The following OTUD7A variants were observed in gnomAD, a reference collection of about 807,000 sequenced individuals.
OTUD7A encodes the protein OTU domain-containing protein 7A.
In OTUD7A, 12 loss-of-function variants were observed where a neutral mutation model predicts 65.7. The observed-to-expected ratio is 0.18, with a 90% confidence interval of 0.12 to 0.30. OTUD7A has a LOEUF of 0.30. Ranked by LOEUF, OTUD7A falls within the 10% of genes least tolerant of loss-of-function variation. The pLI, the probability that OTUD7A is intolerant of heterozygous loss-of-function variation, is 1.00. For missense variants in OTUD7A, 1,148 were observed against 1,304.8 expected, an observed-to-expected ratio of 0.88 and a Z score of 1.85; for synonymous variants, 641 against 586.3, an observed-to-expected ratio of 1.09 and a Z score of -1.35.
chr15:31,753,469 A>C (rs1894695555), intron 1 of OTUD7A, among the ~76,000 whole-genome samples: 1 of 151,388 alleles, frequency 6.6e-6, no homozygotes, highest in Non-Finnish European at 1.5e-5. Context: ...TCTTTCCCCA[A>C]GTCCCCAAAG....
intron 1 of OTUD7A, among the ~76,000 whole-genome samples, chr15:31,708,685 A>G: frequency 6.6e-6 from 1 of 152,152 alleles, no homozygotes; most frequent in East Asian, 1.9e-4. Flanking sequence ...ATCCAGGTTT[A>G]TTGGAGGAAG....
intron 1 of OTUD7A, among the ~76,000 whole-genome samples, chr15:31,738,790 A>G (rs1446401595): frequency 6.6e-6 from 1 of 152,256 alleles, no homozygotes; most frequent in African/African-American, 2.4e-5. Context: ...GACAGCGTGG[A>G]TGCCAAAAAG....
chr15:31,487,851 T>G lies in OTUD7A; in HGVS notation c.1172-285A>C, dbSNP rs1447494289. ...TTGGGCAGCAGAATGGGAAAAAAGC[T>G]ATTGCTGCCTCTGCTATTTCTAGGA... On this transcript the variant is annotated intron_variant, in intron 10 of 12. Transcript: ENST00000307050. This position sits in a 1 kb window ranked among gnomAD's most constrained non-coding sequence, Gnocchi z 6.0. Among the ~76,000 whole-genome samples, 4 of 152,166 alleles carry G rather than the reference T, an allele frequency of 2.6e-5. No homozygotes were observed. Among genetic ancestry groups the G allele is most frequent in the African/African-American group, 7.2e-5 (3 of 41,434 alleles).
intron 1 of OTUD7A, among the ~76,000 whole-genome samples, chr15:31,822,473 G>A (rs895368337): frequency 6.6e-6 from 1 of 152,194 alleles, no homozygotes; most frequent in Non-Finnish European, 1.5e-5. Context: ...GTTTACAGAT[G>A]AGAAAACAGG....
intron 1 of OTUD7A, among the ~76,000 whole-genome samples, chr15:31,657,448 C>A (rs543253952): frequency 6.6e-6 from 1 of 152,110 alleles, no homozygotes; most frequent in African/African-American, 2.4e-5. Flanking sequence ...GCTCCGCCTC[C>A]CGGGTTCATG....
intron 3 of OTUD7A, among the ~76,000 whole-genome samples, chr15:31,591,736 G>A (rs1889730765): frequency 6.6e-6 from 1 of 152,206 alleles, no homozygotes; most frequent in Non-Finnish European, 1.5e-5. Flanking sequence ...AACATGTATG[G>A]ATATGTGTGC....
At position 31,570,013 on chromosome 15, in the gene OTUD7A, G is replaced by A. The variant is rs374874361; in HGVS notation, c.331+5C>T. 39 of 1,613,522 alleles carry A rather than the reference G, an allele frequency of 2.4e-5. No individual in the cohort carries two copies. The highest frequency in any genetic ancestry group is 1.7e-4 in the Middle Eastern group (1 of 5,796). ...CTGTGCCTAGGCTCAGTCCCTCAGC[G>A]GTACCTTGGGCAATGTCGTCCTGCC... On this transcript the variant is annotated splice_donor_5th_base_variant and intron_variant, in intron 4 of 12. Coordinates refer to ENST00000307050, the MANE Select transcript of OTUD7A (RefSeq NM_001382637.1).
chr15:31,723,437 C>T (rs1438797129), intron 1 of OTUD7A, among the ~76,000 whole-genome samples: 2 of 135,686 alleles, frequency 1.5e-5, no homozygotes, highest in Admixed American at 1.6e-4. Context: ...AATTTGGCCA[C>T]TTCATCTCGG....
intron 1 of OTUD7A, among the ~76,000 whole-genome samples, chr15:31,778,096 G>C (rs1324944306): frequency 6.6e-6 from 1 of 152,118 alleles, no homozygotes; most frequent in African/African-American, 2.4e-5. Context: ...CCAGTCATCA[G>C]CACCATGGGA....
intron 3 of OTUD7A, among the ~76,000 whole-genome samples, chr15:31,638,377 A>T: frequency 8.8e-6 from 1 of 113,270 alleles, no homozygotes; most frequent in Non-Finnish European, 1.8e-5. Flanking sequence ...TATAAAGATA[A>T]CTTTTTTTTT....
intron 8 of OTUD7A, among the ~76,000 whole-genome samples, chr15:31,517,921 C>T (rs7164877): frequency 0.029 from 4,339 of 152,174 alleles, 210 homozygotes; most frequent in African/African-American, 0.099. Flanking sequence ...AGTCTGGGGC[C>T]GGCAGGTCTT....
At chr15:31,567,178 T>A (rs1043066070) in intron 4 of OTUD7A, among the ~76,000 whole-genome samples, 4 of 152,148 alleles carry the variant, frequency 2.6e-5, no homozygotes, top group African/African-American at 7.2e-5. Context: ...ATACGGATAA[T>A]GAAATGGACA....
chr15:31,720,116 G>T (rs1385327497), intron 1 of OTUD7A, among the ~76,000 whole-genome samples: 1 of 151,846 alleles, frequency 6.6e-6, no homozygotes, highest in East Asian at 1.9e-4. Context: ...ATATAATGGA[G>T]AATTAATTGA....
intron 1 of OTUD7A, among the ~76,000 whole-genome samples, chr15:31,673,166 G>A (rs2338913): frequency 4.6e-5 from 7 of 152,150 alleles, no homozygotes; most frequent in South Asian, 2.1e-4. Flanking sequence ...TCGAACCATC[G>A]TTAAGTCCAG....
At chr15:31,619,206 G>T (rs145629773) in intron 3 of OTUD7A, among the ~76,000 whole-genome samples, 6 of 151,964 alleles carry the variant, frequency 3.9e-5, no homozygotes, top group Admixed American at 6.6e-5. Context: ...AGTCAGGTAG[G>T]GTGATGCCTC....
chr15:31,610,878 C>T (rs1193820910), intron 3 of OTUD7A, among the ~76,000 whole-genome samples: 1 of 151,436 alleles, frequency 6.6e-6, no homozygotes, highest in Admixed American at 6.6e-5. Flanking sequence ...ATCTGCCTGC[C>T]TCGGACTCCC....
intron 1 of OTUD7A, among the ~76,000 whole-genome samples, chr15:31,800,006 C>T (rs1896076383): frequency 6.6e-6 from 1 of 152,142 alleles, no homozygotes; most frequent in Admixed American, 6.5e-5. Flanking sequence ...GACGCAAAAA[C>T]AAGAAGGTTG....
intron 5 of OTUD7A, among the ~76,000 whole-genome samples, chr15:31,555,795 C>T (rs1888469757): frequency 6.6e-6 from 1 of 151,442 alleles, no homozygotes; most frequent in African/African-American, 2.4e-5. Context: ...CCAGAGACTG[C>T]TTCACTCCTC....
At chr15:31,634,332 T>A (rs1220990554) in intron 3 of OTUD7A, among the ~76,000 whole-genome samples, 1 of 152,214 alleles carries the variant, frequency 6.6e-6, no homozygotes, top group Non-Finnish European at 1.5e-5. Context: ...AGCCAGTCTA[T>A]GGCAGTTTAA....
Sources: gnomAD v4.1 joint callset for allele counts (sites outside exome capture counted in the v4.1 genomes callset) on GRCh38, gnomAD v4.1.1 for gene constraint, Gnocchi (gnomAD v3.1) non-coding constraint, MANE v1.5 for transcripts, NCBI Gene and HGNC (gene_info 2026-07-23, HGNC 2026-07-21) for gene names.